The following IPO7 variants were observed in gnomAD, a reference collection of about 807,000 sequenced individuals.
IPO7 encodes the protein importin 7, also known as importin-7.
Under a neutral mutation model 136.4 loss-of-function variants are expected in IPO7, and 13 were observed. The ratio of observed to expected loss-of-function variants is 0.10; its 90% CI spans 0.06 to 0.15. The LOEUF (loss-of-function observed/expected upper bound fraction) is 0.15, where lower values mean the gene tolerates loss of function less well. IPO7 is among the 10% of genes least tolerant of loss of function. The probability of loss-of-function intolerance (pLI) is 1.00; values close to 1 mark genes in which losing one functional copy is unlikely to be tolerated. For missense variants in IPO7, 857 were observed against 1,240.6 expected (o/e 0.69, Z 4.65); for synonymous variants, 403 against 404.4 (o/e 1.00, Z 0.04).
At chr11:9,403,811 T>C (rs1465042411) in intron 2 of IPO7, among the ~76,000 whole-genome samples, 1 of 152,236 alleles carries the variant, frequency 6.6e-6, no homozygotes, top group Non-Finnish European at 1.5e-5. Flanking sequence ...TGTGGCATAC[T>C]ACTTTTCTGA....
intron 1 of IPO7, among the ~76,000 whole-genome samples, chr11:9,385,518 A>G (rs1266649804): frequency 6.6e-6 from 1 of 152,204 alleles, no homozygotes. Flanking sequence ...GGGAAGGATC[A>G]GGTGAAGTGC....
intron 23 of IPO7, among the ~76,000 whole-genome samples, chr11:9,441,593 A>G (rs1203475398): frequency 6.6e-5 from 10 of 152,310 alleles, no homozygotes; most frequent in African/African-American, 9.6e-5. Flanking sequence ...TCTGAGCTAC[A>G]TGGCAGCAAG....
rs552231149 is a variant in IPO7, at chr11:9,400,568, G to A, written c.85-2722G>A. ...TCCAGAGTAGCTGGGGACTACAGGC[G>A]CCTGCCACCTCACCTGGCTAATTTT... is the stretch of plus-strand genomic sequence containing the variant. On this transcript the variant is annotated intron_variant, in intron 1 of 24. Transcript: ENST00000379719. Among the ~76,000 whole-genome samples, 57 of 151,986 alleles carry A rather than the reference G, an allele frequency of 3.8e-4. No individual in the cohort carries two copies. In the East Asian group the frequency reaches 0.011, roughly 29 times the overall value.
intron 1 of IPO7, among the ~76,000 whole-genome samples, chr11:9,389,761 A>G (rs1443220281): frequency 7.3e-5 from 11 of 151,696 alleles, no homozygotes; most frequent in Non-Finnish European, 1.2e-4. Context: ...ATATGTATAT[A>G]CACCTTTTTT....
intron 1 of IPO7, among the ~76,000 whole-genome samples, chr11:9,398,645 G>A (rs1854749356): frequency 1.3e-5 from 2 of 152,238 alleles, no homozygotes; most frequent in South Asian, 4.1e-4. Flanking sequence ...GGGATACAGT[G>A]GTGTTTCAGT....
At chr11:9,411,363 C>A (rs971219575) in intron 4 of IPO7, among the ~76,000 whole-genome samples, 1 of 152,208 alleles carries the variant, frequency 6.6e-6, no homozygotes, top group Non-Finnish European at 1.5e-5. Context: ...TCCTCAGGAG[C>A]ATAGATCCTC....
chr11:9,400,150 T>C lies in IPO7; in HGVS notation c.85-3140T>C, dbSNP rs542855444. On this transcript the variant is annotated intron_variant, in intron 1 of 24. Coordinates refer to ENST00000379719, the MANE Select transcript of IPO7 (RefSeq NM_006391.3). ...GCTACGTAAATAGTTGCTGTACTTA[T>C]ATTAAGTACTGTTTGTATTATTTTT... Among the ~76,000 whole-genome samples, 11 of 152,352 alleles carry C rather than the reference T, an allele frequency of 7.2e-5. No homozygotes were observed. In the East Asian group the frequency reaches 1.9e-3, roughly 27 times the overall value.
At chr11:9,397,341 A>AAAAAAAATATATAT in intron 1 of IPO7, among the ~76,000 whole-genome samples, 257 of 10,752 alleles carry the variant, frequency 0.024, 22 homozygotes, top group South Asian at 0.072. Context: ...TTTAAAAAAA[A>AAAAAAAATATATAT]ATATATATAT....
chr11:9,433,420 T>C, intron 16 of IPO7, 150 bp from the exon 17 acceptor site: 1 of 562,820 alleles, frequency 1.8e-6, no homozygotes, highest in Non-Finnish European at 3.1e-6. Context: ...GAGATCACAA[T>C]TTCATAATGT....
intron 1 of IPO7, among the ~76,000 whole-genome samples, chr11:9,393,202 A>T (rs985249660): frequency 2.0e-5 from 3 of 152,228 alleles, no homozygotes; most frequent in Non-Finnish European, 2.9e-5. Flanking sequence ...AGGTGATTAC[A>T]GTAGTATGAT....
chr11:9,425,426 G>A (rs1855189455), intron 12 of IPO7, 164 bp downstream of exon 12: 4 of 597,136 alleles, frequency 6.7e-6, no homozygotes, highest in South Asian at 6.0e-5. Context: ...GGGCAACATA[G>A]TGATACCCCC....
chr11:9,412,835 A>G (rs1303938064), intron 4 of IPO7, among the ~76,000 whole-genome samples: 5 of 151,548 alleles, frequency 3.3e-5, no homozygotes, highest in African/African-American at 9.7e-5. Flanking sequence ...TTCTCCAAAA[A>G]AAAAAGGATA....
In IPO7 at chr11:9,447,948, A is replaced by T. The variant is rs538481441; in HGVS notation, c.*2754A>T. 8 of 152,344 alleles carry T rather than the reference A, an allele frequency of 5.3e-5. No individual in the cohort carries two copies. In the South Asian group the frequency reaches 1.7e-3, roughly 32 times the overall value. 9.4% of individuals were successfully genotyped at this position (152,344 alleles called of 1,614,324 possible). On this transcript the variant is annotated 3_prime_UTR_variant, in exon 25 of 25. Transcript: ENST00000379719. ...GCCATATGCTGCTATTCAGTCCCAG[A>T]TGTAGCCCCTGAAGCAAGCATAAAG... is the stretch of plus-strand genomic sequence containing the variant.
Position 9,429,210 on chromosome 11 carries a change from G to A in IPO7, c.1591+14G>A, listed in dbSNP as rs1331480958. On this transcript the variant is annotated intron_variant, in intron 14 of 24. Coordinates refer to ENST00000379719, the MANE Select transcript of IPO7 (RefSeq NM_006391.3). ...ATCAAGAAAAAGGTAAAGGATTTTTGTATGTCAAGAAAAGTGAATGTTGGC... is the reference window on the plus strand; with the variant it reads ...ATCAAGAAAAAGGTAAAGGATTTTTATATGTCAAGAAAAGTGAATGTTGGC... 22 of 1,608,586 alleles carry A rather than the reference G, an allele frequency of 1.4e-5. No homozygotes were observed. The highest frequency in any genetic ancestry group is 1.9e-5 in the Non-Finnish European group (22 of 1,176,932).
chr11:9,398,852 T>C (rs1854752638), intron 1 of IPO7, among the ~76,000 whole-genome samples: 1 of 152,206 alleles, frequency 6.6e-6, no homozygotes, highest in Non-Finnish European at 1.5e-5. Context: ...GCTGTGATTT[T>C]GTATCTGTTA....
At chr11:9,428,769 G>A (rs780673759) in intron 13 of IPO7, 140 bp downstream of exon 13, 1 of 787,736 alleles carries the variant, frequency 1.3e-6, no homozygotes, top group South Asian at 1.4e-5. Flanking sequence ...ATCTTTACAT[G>A]GCTGCTGTAA....
At position 9,420,058 on chromosome 11, in the gene IPO7, G is replaced by A. The variant is rs11042344; in HGVS notation, c.727-353G>A. ...CCAACATCAGGCCAGGTGCAGTGGC[G>A]CACGCCTGTAATCCCAGCACTTTGG... On this transcript the variant is annotated intron_variant, in intron 6 of 24. Transcript: ENST00000379719. Among the ~76,000 whole-genome samples the A allele has an allele frequency of 7.2e-4, 109 of 152,170 alleles. 2 individuals are homozygous for A. In the East Asian group the frequency reaches 0.014, roughly 20 times the overall value.
At chr11:9,435,894 G>A (rs904452506) in intron 19 of IPO7, among the ~76,000 whole-genome samples, 2 of 152,130 alleles carry the variant, frequency 1.3e-5, no homozygotes, top group Admixed American at 6.6e-5. Context: ...TCCTAGAAAT[G>A]TCAACATCTT....
In IPO7 at chr11:9,429,172, G is replaced by A. The variant is rs1372053289; in HGVS notation, c.1567G>A (p.Val523Ile). 1 of 1,612,766 alleles carries A rather than the reference G, an allele frequency of 6.2e-7. No individual in the cohort carries two copies. Among genetic ancestry groups the A allele is most frequent in the Non-Finnish European group, 8.5e-7 (1 of 1,179,690 alleles). ...VKVEAAIALQVLISNQEKAKE... is the reference protein window; with the variant it reads ...VKVEAAIALQILISNQEKAKE... ...AGTGGAAGCTGCCATTGCCCTTCAA[G>A]TATTGATCAGCAATCAAGAAAAAGG... is the stretch of plus-strand genomic sequence containing the variant. Residue 523 changes from valine to isoleucine, a missense_variant, in exon 14 of 25, where the codon GTA (valine) becomes ATA (isoleucine). Coordinates refer to ENST00000379719, the MANE Select transcript of IPO7 (RefSeq NM_006391.3).
Sources: gnomAD v4.1 joint callset for allele counts (sites outside exome capture counted in the v4.1 genomes callset) on GRCh38, gnomAD v4.1.1 for gene constraint, MANE v1.5 for transcripts, NCBI Gene and HGNC (gene_info 2026-07-23, HGNC 2026-07-21) for gene names.